The following GNA14 variants were observed in gnomAD, a reference collection of about 807,000 sequenced individuals.
The protein encoded by GNA14 is G protein subunit alpha 14.
In GNA14, 50 loss-of-function variants were observed where a neutral mutation model predicts 42.0. The observed-to-expected ratio is 1.19, with a 90% CI of 0.95 to 1.51. The LOEUF is 1.51. Among genes scored for constraint, GNA14 ranks in the 40% most tolerant of loss-of-function variants. GNA14 has a pLI of 0.00. For synonymous variants in GNA14, 173 were observed against 163.1 expected, an observed-to-expected ratio of 1.06 and a Z score of -0.46; for missense variants, 473 against 446.2, an observed-to-expected ratio of 1.06 and a Z score of -0.54.
intron 1 of GNA14, among the ~76,000 whole-genome samples, chr9:77,604,786 A>G (rs73462048): frequency 0.05 from 7,595 of 152,274 alleles, 630 homozygotes; most frequent in African/African-American, 0.17. Flanking sequence ...CAAGGACCAA[A>G]CTAGACAAAA....
chr9:77,510,307 G>A (rs1343620806), intron 2 of GNA14, among the ~76,000 whole-genome samples: 1 of 152,094 alleles, frequency 6.6e-6, no homozygotes, highest in Non-Finnish European at 1.5e-5. Context: ...GCTTATTATT[G>A]AATAATATTC....
At chr9:77,575,863 A>G (rs1349879029) in intron 1 of GNA14, among the ~76,000 whole-genome samples, 1 of 152,222 alleles carries the variant, frequency 6.6e-6, no homozygotes, top group Admixed American at 6.5e-5. Context: ...GATTTTAACA[A>G]GAAGACAAGT....
At chr9:77,577,265 G>GT (rs1823143149) in intron 1 of GNA14, among the ~76,000 whole-genome samples, 1 of 152,182 alleles carries the variant, frequency 6.6e-6, no homozygotes, top group African/African-American at 2.4e-5. Context: ...GGAAAGGAGA[G>GT]TAAGTTACTG....
intron 2 of GNA14, among the ~76,000 whole-genome samples, chr9:77,449,226 G>A (rs1835868731): frequency 6.6e-6 from 1 of 152,208 alleles, no homozygotes; most frequent in Non-Finnish European, 1.5e-5. Flanking sequence ...GTGTGTAGTA[G>A]GCTAAACCAT....
intron 1 of GNA14, among the ~76,000 whole-genome samples, chr9:77,595,435 C>T (rs746196549): frequency 3.3e-5 from 5 of 151,988 alleles, no homozygotes; most frequent in Non-Finnish European, 7.3e-5. Context: ...TTATTGAGGG[C>T]TGCTGTGCTG....
intron 1 of GNA14, among the ~76,000 whole-genome samples, chr9:77,548,706 C>T (rs1462982002): frequency 2.6e-5 from 4 of 152,188 alleles, no homozygotes; most frequent in Admixed American, 6.5e-5. Context: ...TTCTTCTTTA[C>T]AACTTTTCCC....
intron 1 of GNA14, among the ~76,000 whole-genome samples, chr9:77,626,187 C>G (rs1026241246): frequency 6.6e-6 from 1 of 152,110 alleles, no homozygotes; most frequent in East Asian, 1.9e-4. Flanking sequence ...AAAAGAAGAG[C>G]TAACTATCCT....
At chr9:77,568,843 G>T (rs1459136303) in intron 1 of GNA14, among the ~76,000 whole-genome samples, 1 of 152,214 alleles carries the variant, frequency 6.6e-6, no homozygotes, top group Non-Finnish European at 1.5e-5. Flanking sequence ...CCTTCAGCTG[G>T]TCTTGTGGAG....
chr9:77,439,629 A>G (rs1256060112), intron 2 of GNA14, among the ~76,000 whole-genome samples: 1 of 151,942 alleles, frequency 6.6e-6, no homozygotes, highest in Admixed American at 6.6e-5. Context: ...AGAGTGAGAT[A>G]CTGTTTCAAA....
chr9:77,458,460 A>G (rs923241933), intron 2 of GNA14, among the ~76,000 whole-genome samples: 1 of 152,166 alleles, frequency 6.6e-6, no homozygotes, highest in Non-Finnish European at 1.5e-5. Flanking sequence ...AGAAGACCCC[A>G]TCACAGTAGG....
intron 1 of GNA14, among the ~76,000 whole-genome samples, chr9:77,563,502 T>C (rs1822915464): frequency 6.6e-6 from 1 of 152,146 alleles, no homozygotes; most frequent in Admixed American, 6.6e-5. Flanking sequence ...GAGAACTGCA[T>C]TCCGAACCAA....
At chr9:77,632,108 A>G (rs56153297) in intron 1 of GNA14, among the ~76,000 whole-genome samples, 1 of 152,046 alleles carries the variant, frequency 6.6e-6, no homozygotes, top group Non-Finnish European at 1.5e-5. Context: ...GAAGGCCCCC[A>G]CTGCCCTTGC....
chr9:77,569,100 G>A (rs1324104084), intron 1 of GNA14, among the ~76,000 whole-genome samples: 5 of 150,752 alleles, frequency 3.3e-5, no homozygotes, highest in South Asian at 2.1e-4. Context: ...AAAGAGCTCC[G>A]CCACCCCAGA....
intron 3 of GNA14, among the ~76,000 whole-genome samples, chr9:77,432,389 G>T (rs371348369): frequency 2.0e-4 from 30 of 152,268 alleles, no homozygotes; most frequent in African/African-American, 7.0e-4. Flanking sequence ...CAGTCCCAGG[G>T]CTTATCACTG....
At chr9:77,594,830 G>T (rs928731443) in intron 1 of GNA14, among the ~76,000 whole-genome samples, 1 of 152,200 alleles carries the variant, frequency 6.6e-6, no homozygotes, top group African/African-American at 2.4e-5. Flanking sequence ...GTGTGCATGG[G>T]AGAGCAGCCC....
chr9:77,618,226 C>A (rs1364334423), intron 1 of GNA14, among the ~76,000 whole-genome samples: 1 of 152,098 alleles, frequency 6.6e-6, no homozygotes, highest in East Asian at 1.9e-4. Context: ...CTTGACACTG[C>A]TTTGCCTTTG....
At chr9:77,490,196 T>C (rs1836740858) in intron 2 of GNA14, among the ~76,000 whole-genome samples, 1 of 151,818 alleles carries the variant, frequency 6.6e-6, no homozygotes, top group African/African-American at 2.4e-5. Flanking sequence ...AGATACAGAG[T>C]GTCAAATGGT....
At chr9:77,623,560 A>AACTAAGGT (rs1306045827) in intron 1 of GNA14, among the ~76,000 whole-genome samples, 7 of 152,164 alleles carry the variant, frequency 4.6e-5, no homozygotes, top group Non-Finnish European at 8.8e-5. Flanking sequence ...CTGCATTTCA[A>AACTAAGGT]ACTAAGGTAC....
intron 1 of GNA14, among the ~76,000 whole-genome samples, chr9:77,615,864 G>T (rs202178251): frequency 8.1e-6 from 1 of 123,600 alleles, no homozygotes; most frequent in South Asian, 2.3e-4. Context: ...TTTGTTTTTT[G>T]GGGTTTTTTT....
Sources: gnomAD v4.1 joint callset for allele counts (sites outside exome capture counted in the v4.1 genomes callset) on GRCh38, gnomAD v4.1.1 for gene constraint, MANE v1.5 for transcripts, NCBI Gene and HGNC (gene_info 2026-07-23, HGNC 2026-07-21) for gene names.